Variants in SGCD observed in about 807,000 individuals in gnomAD.
The protein encoded by SGCD is sarcoglycan delta, also known as delta-sarcoglycan.
SGCD carries 18 observed loss-of-function variants against 36.6 expected under a neutral mutation model. The ratio of observed to expected loss-of-function variants is 0.49; its 90% CI spans 0.34 to 0.73. The LOEUF (loss-of-function observed/expected upper bound fraction) is 0.73, where lower values mean the gene tolerates loss of function less well. Ranked by LOEUF, SGCD falls within the 30% of genes least tolerant of loss-of-function variation. The pLI, the probability that SGCD is intolerant of heterozygous loss-of-function variation, is 0.01. For missense variants in SGCD, 387 were observed against 346.7 expected (o/e 1.12, Z -0.92); for synonymous variants, 133 against 130.6 (o/e 1.02, Z -0.12).
At chr5:156,055,361 A>G (rs1182244484) in intron 1 of SGCD, among the ~76,000 whole-genome samples, 2 of 146,462 alleles carry the variant, frequency 1.4e-5, no homozygotes, top group Non-Finnish European at 3.1e-5. Context: ...TCCAAAGAAC[A>G]TCAGAGAAAA....
intron 1 of SGCD, among the ~76,000 whole-genome samples, chr5:155,923,260 C>T (rs1019191966): frequency 6.6e-6 from 1 of 152,038 alleles, no homozygotes; most frequent in African/African-American, 2.4e-5. Flanking sequence ...GTATAATTTA[C>T]CAAAAAGACA....
chr5:156,243,574 G>T (rs1581191346), intron 3 of SGCD, among the ~76,000 whole-genome samples: 1 of 152,192 alleles, frequency 6.6e-6, no homozygotes, highest in Non-Finnish European at 1.5e-5. Flanking sequence ...TAAAATACAA[G>T]GATTTCCTAT....
At chr5:155,738,798 AGT>A in the SGCD span, among the ~76,000 whole-genome samples, 1 of 145,228 alleles carries the variant, frequency 6.9e-6, no homozygotes, top group Non-Finnish European at 1.5e-5. Flanking sequence ...GTGTGCATGT[AGT>A]GTGTGTAAGA....
chr5:156,098,873 T>A (rs1041436330), intron 1 of SGCD, among the ~76,000 whole-genome samples: 2 of 152,232 alleles, frequency 1.3e-5, no homozygotes, highest in African/African-American at 4.8e-5. Flanking sequence ...CCCACCTTGG[T>A]ATCTCTTGGC....
intron 3 of SGCD, among the ~76,000 whole-genome samples, chr5:156,437,237 A>G (rs144695830): frequency 0.026 from 3,943 of 152,200 alleles, 72 homozygotes; most frequent in Non-Finnish European, 0.035. Context: ...CATGTAATCA[A>G]TGGTACATAT....
At chr5:156,201,369 CT>C (rs1193325369) in intron 3 of SGCD, among the ~76,000 whole-genome samples, 2 of 152,158 alleles carry the variant, frequency 1.3e-5, no homozygotes, top group African/African-American at 4.8e-5. Context: ...AAAGTATCAT[CT>C]TTGTGCAAGC....
intron 1 of SGCD, among the ~76,000 whole-genome samples, chr5:156,051,796 C>A (rs1393568509): frequency 6.9e-6 from 1 of 145,382 alleles, no homozygotes; most frequent in Non-Finnish European, 1.5e-5. Context: ...TGTGGATAAA[C>A]CTGAAGTTTG....
chr5:155,961,259 C>T (rs1757784367), intron 1 of SGCD, among the ~76,000 whole-genome samples: 1 of 151,928 alleles, frequency 6.6e-6, no homozygotes, highest in African/African-American at 2.4e-5. Context: ...TACTTTAAAA[C>T]TTATGTTAGT....
intron 3 of SGCD, among the ~76,000 whole-genome samples, chr5:156,472,800 A>C (rs919571302): frequency 3.3e-5 from 5 of 152,208 alleles, no homozygotes; most frequent in African/African-American, 1.2e-4. Flanking sequence ...TGTGTGATTC[A>C]ATTTATATGA....
At chr5:155,821,344 T>G in the SGCD span, among the ~76,000 whole-genome samples, 1 of 152,068 alleles carries the variant, frequency 6.6e-6, no homozygotes, top group Non-Finnish European at 1.5e-5. Flanking sequence ...CGGAGTCTCT[T>G]TCTCTGTTGC....
At chr5:156,070,668 C>A (rs537308560) in intron 1 of SGCD, among the ~76,000 whole-genome samples, 3 of 152,166 alleles carry the variant, frequency 2.0e-5, no homozygotes, top group Admixed American at 2.0e-4. Flanking sequence ...GGAGGATTCC[C>A]CCTTTTTCTA....
intron 6 of SGCD, among the ~76,000 whole-genome samples, chr5:156,607,116 C>T (rs1420414462): frequency 1.3e-5 from 2 of 152,170 alleles, no homozygotes; most frequent in African/African-American, 4.8e-5. Flanking sequence ...GCATCCCTGT[C>T]TTGTGCCAGT....
chr5:155,916,902 G>T (rs974667438), intron 1 of SGCD, among the ~76,000 whole-genome samples: 1 of 152,176 alleles, frequency 6.6e-6, no homozygotes, highest in Non-Finnish European at 1.5e-5. Flanking sequence ...TGAGGCCTGA[G>T]ATGAAGCCAT....
At chr5:156,315,272 T>A (rs1767486944) in intron 3 of SGCD, among the ~76,000 whole-genome samples, 1 of 151,614 alleles carries the variant, frequency 6.6e-6, no homozygotes, top group Non-Finnish European at 1.5e-5. Context: ...CTGATTTTTT[T>A]TTTTTAGATT....
chr5:155,782,522 A>G, the SGCD span, among the ~76,000 whole-genome samples: 1 of 152,188 alleles, frequency 6.6e-6, no homozygotes, highest in Non-Finnish European at 1.5e-5. Context: ...AATTTCAGTA[A>G]CTGTCTCAGG....
intron 7 of SGCD, among the ~76,000 whole-genome samples, chr5:156,678,283 T>G (rs1753591416): frequency 6.6e-6 from 1 of 152,142 alleles, no homozygotes; most frequent in Non-Finnish European, 1.5e-5. Context: ...GTAGTAAAGT[T>G]TGTTGAATAA....
chr5:156,037,804 G>A (rs1759536496), intron 1 of SGCD, among the ~76,000 whole-genome samples: 1 of 152,078 alleles, frequency 6.6e-6, no homozygotes, highest in Non-Finnish European at 1.5e-5. Flanking sequence ...AATTCCCTGG[G>A]GTTATTAAAG....
chr5:155,901,081 C>T (rs1756378541), intron 1 of SGCD, among the ~76,000 whole-genome samples: 1 of 152,012 alleles, frequency 6.6e-6, no homozygotes. Flanking sequence ...GACACCCAGA[C>T]AGCAGGATTG....
intron 1 of SGCD, among the ~76,000 whole-genome samples, chr5:156,096,584 T>C (rs2127595639): frequency 6.6e-6 from 1 of 152,270 alleles, no homozygotes; most frequent in South Asian, 2.1e-4. Flanking sequence ...GTAAATCAAC[T>C]GCAGCCGTCA....
Sources: allele counts gnomAD v4.1 joint callset (sites outside exome capture counted in the v4.1 genomes callset), GRCh38; gene constraint gnomAD v4.1.1; transcripts MANE v1.5; gene names NCBI Gene and HGNC (gene_info 2026-07-23, HGNC 2026-07-21).